The following AP2S1 variants were observed in gnomAD, a reference collection of about 807,000 sequenced individuals.
The protein encoded by AP2S1 is AP-2 complex subunit sigma.
AP2S1 carries 6 observed loss-of-function variants against 21.0 expected under a neutral mutation model. The ratio of observed to expected loss-of-function variants is 0.29; its 90% CI spans 0.16 to 0.56. The LOEUF (loss-of-function observed/expected upper bound fraction) is 0.56. AP2S1 is among the 20% of genes least tolerant of loss of function. AP2S1 has a pLI of 0.92. For missense variants in AP2S1, 60 were observed against 186.2 expected (o/e 0.32, Z 3.95); for synonymous variants, 63 against 74.6 (o/e 0.84, Z 0.80).
intron 1 of AP2S1, 110 bp from the exon 2 acceptor site, chr19:46,846,252 T>G (rs2055631666): frequency 7.3e-7 from 1 of 1,373,986 alleles, no homozygotes; most frequent in Admixed American, 2.1e-5. Flanking sequence ...GCTCAGGGCC[T>G]CCCTGCTGCC....
intron 2 of AP2S1, among the ~76,000 whole-genome samples, chr19:46,840,525 A>G (rs1336037991): frequency 2.4e-4 from 36 of 151,644 alleles, no homozygotes; most frequent in Admixed American, 2.4e-3. Context: ...CTGTGGTCCC[A>G]GCTACTCGGG....
chr19:46,850,230 T>A (rs2055714221), intron 1 of AP2S1: 1 of 1,232,850 alleles, frequency 8.1e-7, no homozygotes, highest in Non-Finnish European at 1.0e-6. Context: ...GGTCTCTTCT[T>A]GAGATCATCC....
chr19:46,838,734 G>A lies in AP2S1; in HGVS notation c.327+6C>T, dbSNP rs1010457436. ...TCCTTCAGCCTCCTCTTCACCAGGAGCCTACCTTGTAGAAGTTGAACACCA... is the reference window on the plus strand; with the variant it reads ...TCCTTCAGCCTCCTCTTCACCAGGAACCTACCTTGTAGAAGTTGAACACCA... On this transcript the variant is annotated splice_donor_region_variant and intron_variant, in intron 4 of 4. Coordinates refer to ENST00000263270, the MANE Select transcript of AP2S1 (RefSeq NM_004069.6). The surrounding 1 kb of genome is among the most constrained non-coding windows in gnomAD (Gnocchi z 4.1). 5.6e-6 allele frequency: 9 copies of A among 1,612,636 alleles called. No homozygotes were observed. The African/African-American group carries it at 1.2e-4, about 22-fold the overall frequency.
At chr19:46,846,165 G>A (rs981515837) in intron 1 of AP2S1, 23 bp from the exon 2 acceptor site, 1 of 1,613,278 alleles carries the variant, frequency 6.2e-7, no homozygotes, top group Non-Finnish European at 8.5e-7. Context: ...GGAGGAGAAG[G>A]AGGAAGTGAG....
chr19:46,838,414 A>AGGGGCC lies in AP2S1; in HGVS notation c.*27_*32dup, dbSNP rs1304311995. Reference sequence around the variant, plus strand: ...GGGGAAGCGAGCAGGCGAGTCCAGGAGGGGCCGGGGCCGGGGTGGGGCTCG... The same window carrying AGGGGCC: ...GGGGAAGCGAGCAGGCGAGTCCAGGAGGGGCCGGGGCCGGGGCCGGGGTGGGGCTCG... On this transcript the variant is annotated 3_prime_UTR_variant, in exon 5 of 5. Coordinates refer to ENST00000263270, the MANE Select transcript of AP2S1 (RefSeq NM_004069.6). The surrounding 1 kb of genome is among the most constrained non-coding windows in gnomAD (Gnocchi z 4.1). The AGGGGCC allele has an allele frequency of 1.2e-5, 20 of 1,603,274 alleles. No homozygotes were observed. Among genetic ancestry groups the AGGGGCC allele is most frequent in the East Asian group, 2.2e-5 (1 of 44,764 alleles).
At chr19:46,843,456 T>A (rs1907597424) in intron 2 of AP2S1, among the ~76,000 whole-genome samples, 1 of 152,168 alleles carries the variant, frequency 6.6e-6, no homozygotes, top group African/African-American at 2.4e-5. Flanking sequence ...GCGTGGTCAC[T>A]CATGGCTGTA....
chr19:46,845,434 TA>T, intron 2 of AP2S1, among the ~76,000 whole-genome samples: 1 of 150,084 alleles, frequency 6.7e-6, no homozygotes, highest in African/African-American at 2.5e-5. Context: ...ATTAATTAAT[TA>T]ATTAATTCAA....
At chr19:46,848,499 G>A (rs2055675950) in intron 1 of AP2S1, among the ~76,000 whole-genome samples, 1 of 152,162 alleles carries the variant, frequency 6.6e-6, no homozygotes, top group African/African-American at 2.4e-5. Context: ...AGAAAACCAT[G>A]GCCAAAGCTT....
intron 2 of AP2S1, among the ~76,000 whole-genome samples, chr19:46,840,514 C>T (rs1235621029): frequency 6.6e-6 from 1 of 151,466 alleles, no homozygotes; most frequent in African/African-American, 2.4e-5. Flanking sequence ...GTGGCGTGTA[C>T]CTGTGGTCCC....
rs1599773632 is a variant in AP2S1 at position 46,846,971 on chromosome 19, G to A, written c.4-829C>T. On this transcript the variant is annotated intron_variant, in intron 1 of 4. Transcript: ENST00000263270. ...TGGGCCACCACGCCCAGTCAGCCAG[G>A]GTTTTTTTAAAGGTTAAAAAAAAAG... Among the ~76,000 whole-genome samples, 3 of 152,100 alleles carry A rather than the reference G, an allele frequency of 2.0e-5. 1 individual carries two copies. The highest frequency in any genetic ancestry group is 4.2e-4 in the South Asian group (2 of 4,818).
At position 46,838,710 on chromosome 19, in the gene AP2S1, C is replaced by G; in HGVS notation, c.327+30G>C. On this transcript the variant is annotated intron_variant, in intron 4 of 4. Transcript: ENST00000263270. The surrounding 1 kb of genome is among the most constrained non-coding windows in gnomAD (Gnocchi z 4.1). ...TCCCCCCCGTCCCCCTCCTCTGGCT[C>G]CTTCAGCCTCCTCTTCACCAGGAGC... The G allele has an allele frequency of 6.2e-7, 1 of 1,610,852 alleles. No homozygotes were observed. The highest frequency in any genetic ancestry group is 8.5e-7 in the Non-Finnish European group (1 of 1,177,304).
chr19:46,850,205 T>C (rs955085659), intron 1 of AP2S1: 3 of 1,232,560 alleles, frequency 2.4e-6, no homozygotes, highest in Non-Finnish European at 3.0e-6. Context: ...TGCCTCCTTT[T>C]GGTTTCCTGT....
intron 2 of AP2S1, among the ~76,000 whole-genome samples, chr19:46,842,719 C>T (rs2055545984): frequency 6.6e-6 from 1 of 152,176 alleles, no homozygotes; most frequent in Non-Finnish European, 1.5e-5. Flanking sequence ...CACCCAGTTC[C>T]TCTCCCCCTT....
intron 1 of AP2S1, 48 bp from the exon 2 acceptor site, chr19:46,846,190 C>A (rs773373861): frequency 1.2e-6 from 2 of 1,607,094 alleles, no homozygotes; most frequent in Middle Eastern, 1.7e-4. Context: ...GCAGAGAGGG[C>A]GGGTTGGGTG....
At chr19:46,840,276 T>C (rs2055493940) in intron 2 of AP2S1, among the ~76,000 whole-genome samples, 1 of 149,892 alleles carries the variant, frequency 6.7e-6, no homozygotes, top group African/African-American at 2.5e-5. Context: ...AAGACAGATA[T>C]ATATGCATAC....
At chr19:46,844,130 C>T (rs896101134) in intron 2 of AP2S1, among the ~76,000 whole-genome samples, 1 of 151,890 alleles carries the variant, frequency 6.6e-6, no homozygotes, top group Non-Finnish European at 1.5e-5. Context: ...AGGCTGGTCT[C>T]CTGACCTTGT....
In AP2S1 at chr19:46,846,055, G is replaced by A. The variant is rs1476120287; in HGVS notation, c.91C>T (p.Leu31=). 5.0e-6 allele frequency: 8 copies of A among 1,614,160 alleles called. No homozygotes were observed. The highest frequency in any genetic ancestry group is 6.8e-6 in the Non-Finnish European group (8 of 1,180,034). Residue 31 remains leucine (L), a synonymous_variant, in exon 2 of 5, where the codon CTG becomes TTG. Transcript: ENST00000263270. ...MQFDDDEKQK[L]IEEVHAVVTV... is the part of the protein sequence containing the mutation. Reference sequence around the variant, plus strand: ...ACCACGGCATGCACCTCCTCGATCAGCTTCTGTTTCTCATCATCATCAAAC... The same window carrying A: ...ACCACGGCATGCACCTCCTCGATCAACTTCTGTTTCTCATCATCATCAAAC...
At chr19:46,839,428 A>ACC in intron 3 of AP2S1, 37 bp downstream of exon 3, 1 of 763,394 alleles carries the variant, frequency 1.3e-6, no homozygotes, top group Non-Finnish European at 2.0e-6. Context: ...AGGGCTGCCC[A>ACC]CCCGCCTCCC....
At position 46,850,784 on chromosome 19, in the gene AP2S1, C is replaced by T. The variant is rs779686565; in HGVS notation, c.-18G>A. 81 of 1,570,222 alleles carry T rather than the reference C, an allele frequency of 5.2e-5. No homozygotes were observed. Among genetic ancestry groups the T allele is most frequent in the Non-Finnish European group, 6.8e-5 (79 of 1,157,438 alleles). On this transcript the variant is annotated 5_prime_UTR_variant, in exon 1 of 5. Transcript: ENST00000263270. Reference sequence around the variant, plus strand: ...GTTACCATGGCGACCCCCGTCCAGACCCCAGCGGCCCCGGTCCCGCGGCGA... The same window carrying T: ...GTTACCATGGCGACCCCCGTCCAGATCCCAGCGGCCCCGGTCCCGCGGCGA...
Sources: gnomAD v4.1 joint callset for allele counts (sites outside exome capture counted in the v4.1 genomes callset) on GRCh38, gnomAD v4.1.1 for gene constraint, Gnocchi (gnomAD v3.1) non-coding constraint, MANE v1.5 for transcripts, NCBI Gene and HGNC (gene_info 2026-07-23, HGNC 2026-07-21) for gene names.